TMOD3: variants seen among roughly 807,000 people sequenced by gnomAD.
TMOD3 encodes tropomodulin 3, also known as tropomodulin-3.
Under a neutral mutation model 39.2 loss-of-function variants are expected in TMOD3, and 20 were observed. The ratio of observed to expected loss-of-function variants is 0.51; its 90% CI spans 0.36 to 0.74. The LOEUF is 0.74. Ranked by LOEUF, TMOD3 falls within the 30% of genes least tolerant of loss-of-function variation. The pLI, the probability that TMOD3 is intolerant of heterozygous loss-of-function variation, is 0.00. For missense variants in TMOD3, 381 were observed against 412.8 expected, an observed-to-expected ratio of 0.92 and a Z score of 0.67; for synonymous variants, 143 against 145.8, an observed-to-expected ratio of 0.98 and a Z score of 0.14.
chr15:51,885,755 C>T (rs868056287), intron 3 of TMOD3, among the ~76,000 whole-genome samples: 27 of 152,324 alleles, frequency 1.8e-4, no homozygotes, highest in African/African-American at 6.0e-4. Flanking sequence ...CTTTTGTATT[C>T]GACAAAACCG....
intron 7 of TMOD3, chr15:51,898,880 CCCT>C (rs1187265305): frequency 6.6e-6 from 1 of 152,106 alleles, no homozygotes; most frequent in Admixed American, 6.6e-5. Context: ...TTCCCAGTCT[CCCT>C]CCTCTTTCTT....
intron 1 of TMOD3, among the ~76,000 whole-genome samples, chr15:51,834,070 A>G (rs922652795): frequency 2.6e-5 from 4 of 152,304 alleles, no homozygotes; most frequent in Non-Finnish European, 2.9e-5. Flanking sequence ...TTAATTGGCT[A>G]TGCAGTATCT....
chr15:51,885,443 C>T (rs766468140), intron 3 of TMOD3, among the ~76,000 whole-genome samples: 5 of 152,078 alleles, frequency 3.3e-5, no homozygotes, highest in Non-Finnish European at 7.4e-5. Flanking sequence ...TGCGGCCTTC[C>T]GCAGTGTTTG....
At chr15:51,907,199 G>T (rs2056686273) in intron 9 of TMOD3, 1 of 152,010 alleles carries the variant, frequency 6.6e-6, no homozygotes, top group African/African-American at 2.4e-5. Flanking sequence ...ATTAGAGTCG[G>T]TTGCTTGCTT....
At chr15:51,832,668 A>G (rs145731468) in intron 1 of TMOD3, among the ~76,000 whole-genome samples, 40 of 152,274 alleles carry the variant, frequency 2.6e-4, no homozygotes, top group African/African-American at 9.6e-4. Context: ...CCTGTCTCAA[A>G]AACTAAAACA....
rs1169283536 is a variant in TMOD3, at chr15:51,911,714, C to A, written c.*2904C>A. On this transcript the variant is annotated 3_prime_UTR_variant, in exon 10 of 10. Coordinates refer to ENST00000308580, the MANE Select transcript of TMOD3 (RefSeq NM_014547.5). ...TATAAAATGTTATACTCATATTTGT[C>A]TGAATTTTTCCAGTATTCCTACATG... 5.3e-5 allele frequency: 8 copies of A among 152,036 alleles called. No individual in the cohort carries two copies. The highest frequency in any genetic ancestry group is 1.9e-4 in the African/African-American group (8 of 41,396). 9.4% of individuals were successfully genotyped at this position (152,036 alleles called of 1,614,324 possible).
At chr15:51,898,441 C>T (rs1219336078) in intron 7 of TMOD3, among the ~76,000 whole-genome samples, 3 of 152,176 alleles carry the variant, frequency 2.0e-5, no homozygotes, top group Non-Finnish European at 4.4e-5. Flanking sequence ...TACCCTCTAA[C>T]ATTGCACTTT....
At chr15:51,892,211 A>G (rs1207439048) in intron 5 of TMOD3, 5 of 152,206 alleles carry the variant, frequency 3.3e-5, no homozygotes, top group Admixed American at 6.5e-5. Flanking sequence ...ATAGTAGTCC[A>G]TTTTGAACCC....
rs2056244181 is a variant in TMOD3 at position 51,829,811 on chromosome 15, C to G, written c.-100C>G. 1 of 152,336 alleles carries G rather than the reference C, an allele frequency of 6.6e-6. No homozygotes were observed. Among genetic ancestry groups the G allele is most frequent in the African/African-American group, 2.4e-5 (1 of 41,460 alleles). 9.4% of individuals were successfully genotyped at this position (152,336 alleles called of 1,614,324 possible). ...AGTTTCCGTGGGTCTGTGAAGAGGTCGGCGGCCCCTGCGGGCGCCAGTCAG... is the reference window on the plus strand; with the variant it reads ...AGTTTCCGTGGGTCTGTGAAGAGGTGGGCGGCCCCTGCGGGCGCCAGTCAG... On this transcript the variant is annotated 5_prime_UTR_variant, in exon 1 of 10. Transcript: ENST00000308580.
At chr15:51,851,769 C>T (rs2056363169) in intron 1 of TMOD3, among the ~76,000 whole-genome samples, 1 of 152,154 alleles carries the variant, frequency 6.6e-6, no homozygotes, top group Non-Finnish European at 1.5e-5. Flanking sequence ...GTTTTTATCC[C>T]CTACAGCCAA....
chr15:51,870,066 G>A (rs1380886513), intron 3 of TMOD3, among the ~76,000 whole-genome samples: 2 of 152,108 alleles, frequency 1.3e-5, no homozygotes, highest in African/African-American at 2.4e-5. Flanking sequence ...AGCCTCCTTA[G>A]TAGCTGGGAT....
At position 51,893,797 on chromosome 15, in the gene TMOD3, T is replaced by A. The variant is rs1231479073; in HGVS notation, c.497-18T>A. On this transcript the variant is annotated intron_variant, in intron 5 of 9. Transcript: ENST00000308580. ...AAAAAATGGTATCAAATCCTGCTCT[T>A]TTCATTTATCACTGCAGATGTGGTC... 6.7e-7 allele frequency: 1 copy of A among 1,503,758 alleles called. No individual in the cohort carries two copies. The highest frequency in any genetic ancestry group is 8.9e-7 in the Non-Finnish European group (1 of 1,122,472). 93.2% of individuals were successfully genotyped at this position (1,503,758 alleles called of 1,614,324 possible).
chr15:51,910,514 T>G lies in TMOD3; in HGVS notation c.*1704T>G, dbSNP rs2056704914. The G allele has an allele frequency of 6.6e-6, 1 of 152,244 alleles. No individual in the cohort carries two copies. The highest frequency in any genetic ancestry group is 1.5e-5 in the Non-Finnish European group (1 of 68,106). 9.4% of individuals were successfully genotyped at this position (152,244 alleles called of 1,614,324 possible). A position where few individuals can be genotyped will look rare whatever the true frequency, so the allele number is the denominator to read the frequency against. On this transcript the variant is annotated 3_prime_UTR_variant, in exon 10 of 10. Transcript: ENST00000308580. ...TTGCTTGAACCTGGGAGATGGAGAT[T>G]GCAGTGAGCTGAGATCGTACCACTG...
At chr15:51,856,531 G>A (rs1195730414) in intron 1 of TMOD3, among the ~76,000 whole-genome samples, 1 of 150,514 alleles carries the variant, frequency 6.6e-6, no homozygotes, top group Non-Finnish European at 1.5e-5. Flanking sequence ...GATATACCAT[G>A]ATAAACTTGA....
intron 9 of TMOD3, among the ~76,000 whole-genome samples, chr15:51,902,260 A>C (rs889936391): frequency 6.6e-6 from 1 of 152,180 alleles, no homozygotes; most frequent in East Asian, 1.9e-4. Flanking sequence ...AGCGTATTTC[A>C]TAGTTTTAAG....
chr15:51,894,234 C>T (rs1256417086), intron 6 of TMOD3, among the ~76,000 whole-genome samples: 1 of 151,932 alleles, frequency 6.6e-6, no homozygotes, highest in Non-Finnish European at 1.5e-5. Flanking sequence ...AACATTTAGC[C>T]TCTTGGGTCT....
chr15:51,837,939 C>T (rs528574218), intron 1 of TMOD3, among the ~76,000 whole-genome samples: 2 of 152,292 alleles, frequency 1.3e-5, no homozygotes, highest in East Asian at 3.9e-4. Flanking sequence ...CAAGGGGAGC[C>T]TCTGCAGAAA....
At chr15:51,845,138 CAATTAG>C (rs2056329554) in intron 1 of TMOD3, among the ~76,000 whole-genome samples, 1 of 152,114 alleles carries the variant, frequency 6.6e-6, no homozygotes, top group Non-Finnish European at 1.5e-5. Context: ...AAATCATAGA[CAATTAG>C]AATTAGAAGA....
chr15:51,841,035 A>G (rs549292414), intron 1 of TMOD3, among the ~76,000 whole-genome samples: 1 of 152,312 alleles, frequency 6.6e-6, no homozygotes, highest in East Asian at 1.9e-4. Context: ...TTCAAATCTC[A>G]CATCCACTAC....
Sources: allele counts gnomAD v4.1 joint callset (sites outside exome capture counted in the v4.1 genomes callset), GRCh38; gene constraint gnomAD v4.1.1; transcripts MANE v1.5; gene names NCBI Gene and HGNC (gene_info 2026-07-23, HGNC 2026-07-21).